The following POLQ variants were observed in gnomAD, a reference collection of about 807,000 sequenced individuals.
The protein encoded by POLQ is DNA polymerase theta.
POLQ carries 233 observed loss-of-function variants against 259.2 expected under a neutral mutation model. The observed-to-expected ratio is 0.90, with a 90% CI of 0.81 to 1.00. The LOEUF (loss-of-function observed/expected upper bound fraction) is 1.00, where lower values mean the gene tolerates loss of function less well. POLQ is among the 50% of genes least tolerant of loss of function. POLQ has a pLI of 0.00. For synonymous variants in POLQ, 1,025 were observed against 1,048.8 expected (o/e 0.98, Z 0.44); for missense variants, 2,871 against 3,051.6 (o/e 0.94, Z 1.39).
At chr3:121,454,234 A>G (rs1293161421) in intron 25 of POLQ, among the ~76,000 whole-genome samples, 1 of 152,240 alleles carries the variant, frequency 6.6e-6, no homozygotes, top group Non-Finnish European at 1.5e-5. Flanking sequence ...TGAAGGAAGC[A>G]CTAAACATGG....
chr3:121,510,028 G>A lies in POLQ; in HGVS notation c.1816+11C>T. On this transcript the variant is annotated intron_variant, in intron 11 of 29. Coordinates refer to ENST00000264233, the MANE Select transcript of POLQ (RefSeq NM_199420.4). ...AAAGTGAGTAAATTGCAACTGAGAAGTCACACTTACCTTCTGTTCCATCAC... is the reference window on the plus strand; with the variant it reads ...AAAGTGAGTAAATTGCAACTGAGAAATCACACTTACCTTCTGTTCCATCAC... 6.2e-7 allele frequency: 1 copy of A among 1,605,208 alleles called. No individual in the cohort carries two copies. The highest frequency in any genetic ancestry group is 8.5e-7 in the Non-Finnish European group (1 of 1,172,006).
rs375343694 is a variant in POLQ at position 121,522,136 on chromosome 3, G to C, written c.1122C>G (p.Pro374=). Residue 374 remains proline, a synonymous_variant, in exon 8 of 30, where the codon CCC becomes CCG. Transcript: ENST00000264233. ...LHHQAEGLVK[P]SECPPVILEQ... ...CCAGAATTACTGGTGGGCATTCAGA[G>C]GGTTTCACCAATCCTGTCACAAAAA... 15 of 1,599,570 alleles carry C rather than the reference G, an allele frequency of 9.4e-6. No homozygotes were observed. In the South Asian group the frequency reaches 1.6e-4, roughly 17 times the overall value.
At chr3:121,454,319 A>G (rs1328124813) in intron 25 of POLQ, among the ~76,000 whole-genome samples, 1 of 152,250 alleles carries the variant, frequency 6.6e-6, no homozygotes, top group East Asian at 1.9e-4. Flanking sequence ...AAGAAACTAC[A>G]TCAACTAATG....
intron 10 of POLQ, 33 bp from the exon 11 acceptor site, chr3:121,510,276 T>C (rs779957329): frequency 6.5e-7 from 1 of 1,550,178 alleles, no homozygotes; most frequent in Non-Finnish European, 8.9e-7. Flanking sequence ...TTCTGTAGCT[T>C]TTTAAGAAAA....
At chr3:121,433,518 C>A (rs1019581400) in intron 28 of POLQ, among the ~76,000 whole-genome samples, 1 of 152,120 alleles carries the variant, frequency 6.6e-6, no homozygotes, top group Non-Finnish European at 1.5e-5. Context: ...GAACCGTACA[C>A]ACTCCAAACA....
intron 27 of POLQ, among the ~76,000 whole-genome samples, chr3:121,437,275 C>T (rs536033718): frequency 1.8e-4 from 28 of 152,226 alleles, no homozygotes; most frequent in African/African-American, 6.3e-4. Context: ...AAAGGCCAGA[C>T]ACAATGTAGG....
chr3:121,541,451 C>G lies in POLQ; in HGVS notation c.372G>C (p.Val124=). Residue 124 remains valine (V), a synonymous_variant, in exon 3 of 30, where the codon GTG becomes GTC. Coordinates refer to ENST00000264233, the MANE Select transcript of POLQ (RefSeq NM_199420.4). The part of the protein sequence containing the change: ...SAPTSAGKTL[V]AELLILKRVL... ...CCCGCTTCAAAATAAGTAATTCTGC[C>G]ACAAGAGTCTTCCCAGCACTTGTAG... The G allele has an allele frequency of 6.2e-7, 1 of 1,610,306 alleles. No individual in the cohort carries two copies. Among genetic ancestry groups the G allele is most frequent in the South Asian group, 1.1e-5 (1 of 90,258 alleles).
At chr3:121,515,568 C>A (rs2048289120) in intron 9 of POLQ, among the ~76,000 whole-genome samples, 1 of 152,242 alleles carries the variant, frequency 6.6e-6, no homozygotes, top group South Asian at 2.1e-4. Context: ...AGCAGTCCCA[C>A]CCAAACTCAG....
In POLQ at chr3:121,525,775, G is replaced by A. The variant is rs548578825; in HGVS notation, c.1109-3626C>T. Among the ~76,000 whole-genome samples, 70 of 152,154 alleles carry A rather than the reference G, an allele frequency of 4.6e-4. No homozygotes were observed. The South Asian group carries it at 0.013, about 29-fold the overall frequency. On this transcript the variant is annotated intron_variant, in intron 7 of 29. Transcript: ENST00000264233. ...TTCTGTGTCTTCTTACTCATCATCT[G>A]GCACTTGTTTGGAAGCACTCATTTC... is the stretch of plus-strand genomic sequence containing the variant.
At chr3:121,494,822 G>A (rs1043567746) in intron 14 of POLQ, 18 of 1,549,328 alleles carry the variant, frequency 1.2e-5, no homozygotes, top group African/African-American at 8.1e-5. Context: ...TCACTGGGGC[G>A]GCAACGTCCT....
intron 18 of POLQ, among the ~76,000 whole-genome samples, chr3:121,482,717 A>T (rs1199743470): frequency 1.3e-5 from 2 of 152,064 alleles, no homozygotes; most frequent in East Asian, 3.9e-4. Context: ...CAGGCAGATC[A>T]TTAACTGGAT....
intron 11 of POLQ, 34 bp from the exon 12 acceptor site, chr3:121,509,737 C>G (rs747047812): frequency 1.9e-6 from 3 of 1,575,428 alleles, no homozygotes; most frequent in Non-Finnish European, 2.6e-6. Flanking sequence ...AACAGAGGAA[C>G]AAACATTCAA....
rs183380742 is a variant in POLQ, at chr3:121,474,352, G to C, written c.6406-865C>G. 3.3e-3 allele frequency among the ~76,000 whole-genome samples: 503 copies of C among 152,258 alleles called. 1 individual carries two copies. Among genetic ancestry groups the C allele is most frequent in the Non-Finnish European group, 5.9e-3 (399 of 68,026 alleles). ...GCAATAATGAATGCTAGAGAGGGCC[G>C]GTAGCACCCACTGAAGACACCAGAA... On this transcript the variant is annotated intron_variant, in intron 20 of 29. Transcript: ENST00000264233.
Position 121,489,962 on chromosome 3 carries a change from TTTCTTGCTCTGA to T in POLQ, c.2957_2968del (p.Phe986_Lys990delinsTer). 1 of 1,580,318 alleles carries T rather than the reference TTTCTTGCTCTGA, an allele frequency of 6.3e-7. No homozygotes were observed. Among genetic ancestry groups the T allele is most frequent in the East Asian group, 2.2e-5 (1 of 44,760 alleles). On this transcript the variant is annotated stop_gained and inframe_deletion, in exon 16 of 30. Coordinates refer to ENST00000264233, the MANE Select transcript of POLQ (RefSeq NM_199420.4). LOFTEE classifies it high-confidence loss of function. ...TTTATTTATATCTAAAGAGGCCCGT[TTTCTTGCTCTGA>T]AAATGGAACATGTCTGATGTTCTTG...
At chr3:121,449,506 G>C in intron 25 of POLQ, 80 bp from the exon 26 acceptor site, 2 of 785,094 alleles carry the variant, frequency 2.5e-6, no homozygotes, top group South Asian at 3.0e-5. Context: ...TGCGAATTTC[G>C]GCAAACTTTT....
chr3:121,532,551 G>T (rs1199277842), intron 6 of POLQ, among the ~76,000 whole-genome samples: 1 of 151,468 alleles, frequency 6.6e-6, no homozygotes, highest in South Asian at 2.1e-4. Flanking sequence ...GCCCAGGCTG[G>T]AGTGCAGTGG....
intron 26 of POLQ, among the ~76,000 whole-genome samples, chr3:121,442,212 T>G (rs2047598295): frequency 6.6e-6 from 1 of 152,342 alleles, no homozygotes; most frequent in East Asian, 1.9e-4. Context: ...ACATGAGATA[T>G]TATGATACAG....
intron 26 of POLQ, among the ~76,000 whole-genome samples, chr3:121,440,986 C>T (rs1299532241): frequency 6.6e-6 from 1 of 151,944 alleles, no homozygotes; most frequent in African/African-American, 2.4e-5. Flanking sequence ...TTTCCTAGAC[C>T]AACATTCATC....
chr3:121,480,042 G>A (rs1336441331), intron 19 of POLQ, among the ~76,000 whole-genome samples: 2 of 151,344 alleles, frequency 1.3e-5, no homozygotes, highest in Non-Finnish European at 2.9e-5. Flanking sequence ...AACCAGAGAC[G>A]TAAAAAAGAG....
Sources: allele counts gnomAD v4.1 joint callset (sites outside exome capture counted in the v4.1 genomes callset), GRCh38; gene constraint gnomAD v4.1.1; transcripts MANE v1.5; gene names NCBI Gene and HGNC (gene_info 2026-07-23, HGNC 2026-07-21).